Variants in RFC3 observed in about 807,000 individuals in gnomAD.
The protein encoded by RFC3 is replication factor C subunit 3.
Under a neutral mutation model 45.1 loss-of-function variants are expected in RFC3, and 41 were observed. The observed-to-expected ratio is 0.91, with a 90% confidence interval of 0.71 to 1.18. RFC3 has a LOEUF of 1.18. Ranked by LOEUF, RFC3 falls within the 50% of genes most tolerant of loss-of-function variation. RFC3 has a pLI of 0.00. For synonymous variants in RFC3, 149 were observed against 144.0 expected (o/e 1.03, Z -0.25); for missense variants, 423 against 428.1 (o/e 0.99, Z 0.10).
At chr13:33,885,287 A>C (rs537324101) in intron 8 of RFC3, among the ~76,000 whole-genome samples, 6 of 152,088 alleles carry the variant, frequency 3.9e-5, no homozygotes, top group African/African-American at 1.4e-4. Flanking sequence ...CATAGGAAAA[A>C]AACTTGATCT....
chr13:33,945,291 C>T (rs938004607), intron 8 of RFC3, among the ~76,000 whole-genome samples: 1 of 152,140 alleles, frequency 6.6e-6, no homozygotes, highest in Non-Finnish European at 1.5e-5. Flanking sequence ...TATGATTTTC[C>T]ATATTCATAT....
intron 8 of RFC3, among the ~76,000 whole-genome samples, chr13:33,883,576 C>A (rs1048283419): frequency 3.9e-5 from 6 of 152,100 alleles, no homozygotes; most frequent in African/African-American, 1.4e-4. Context: ...GCTGAAGGAT[C>A]ATATCACTAT....
At chr13:33,973,102 A>T in the RFC3 span, among the ~76,000 whole-genome samples, 1 of 152,210 alleles carries the variant, frequency 6.6e-6, no homozygotes, top group African/African-American at 2.4e-5. Flanking sequence ...TTGCTGTCTC[A>T]TAAAAGAGCA....
chr13:33,851,886 A>T (rs1404982840), intron 8 of RFC3, among the ~76,000 whole-genome samples: 3 of 152,240 alleles, frequency 2.0e-5, no homozygotes, highest in Admixed American at 2.0e-4. Flanking sequence ...AACAGACCTA[A>T]GTATGAATCC....
At position 33,913,002 on chromosome 13, in the gene RFC3, CAG is replaced by C. The variant is rs536239836; in HGVS notation, c.880-53084_880-53083del. 2.9e-3 allele frequency among the ~76,000 whole-genome samples: 441 copies of C among 152,124 alleles called. 1 individual carries two copies. Among genetic ancestry groups the C allele is most frequent in the African/African-American group, 1.0e-2 (415 of 41,510 alleles). On this transcript the variant is annotated intron_variant, in intron 8 of 8. Transcript: ENST00000434425. ...TCTCTGCTAGTCCTGTTCACAGAAA[CAG>C]GGGACACTGGGAGAGGGAGAGCCTG...
chr13:33,968,810 C>T (rs750609470), downstream of RFC3, among the ~76,000 whole-genome samples: 1 of 152,262 alleles, frequency 6.6e-6, no homozygotes, highest in Non-Finnish European at 1.5e-5. Flanking sequence ...TTGCCTCTTA[C>T]GTTGTCTTGG....
chr13:33,916,090 T>C (rs1029555397), intron 8 of RFC3, among the ~76,000 whole-genome samples: 1 of 152,148 alleles, frequency 6.6e-6, no homozygotes, highest in Non-Finnish European at 1.5e-5. Context: ...TGAGCCACCA[T>C]ACCCAGCTGG....
intron 8 of RFC3, among the ~76,000 whole-genome samples, chr13:33,914,025 T>C (rs953788564): frequency 6.6e-6 from 1 of 152,130 alleles, no homozygotes; most frequent in Admixed American, 6.6e-5. Context: ...GGCCAATCAA[T>C]AGTAGACAGC....
intron 8 of RFC3, among the ~76,000 whole-genome samples, chr13:33,948,589 G>T (rs1339725665): frequency 6.6e-6 from 1 of 152,212 alleles, no homozygotes; most frequent in Non-Finnish European, 1.5e-5. Flanking sequence ...GCCTGGAAAA[G>T]CCTCAGACAC....
intron 2 of RFC3, among the ~76,000 whole-genome samples, chr13:33,823,029 A>G (rs920169681): frequency 3.3e-5 from 5 of 152,176 alleles, no homozygotes; most frequent in African/African-American, 1.2e-4. Flanking sequence ...CACAGGAGAA[A>G]AATATAAGAG....
intron 8 of RFC3, among the ~76,000 whole-genome samples, chr13:33,861,257 G>A (rs1368883094): frequency 1.3e-5 from 2 of 152,226 alleles, no homozygotes; most frequent in South Asian, 2.1e-4. Context: ...ATTTTAATGC[G>A]GTGTTGATTT....
At chr13:33,973,160 A>ATACATAAG in the RFC3 span, among the ~76,000 whole-genome samples, 1,338 of 152,274 alleles carry the variant, frequency 8.8e-3, 12 homozygotes, top group Non-Finnish European at 0.013. Flanking sequence ...GTGTGTATAT[A>ATACATAAG]TATATATACA....
intron 3 of RFC3, 38 bp downstream of exon 3, chr13:33,824,022 G>T (rs1414060962): frequency 1.8e-5 from 20 of 1,090,056 alleles, no homozygotes; most frequent in Non-Finnish European, 2.4e-5. Flanking sequence ...TATTTTTAAA[G>T]AAATTGGTTT....
intron 8 of RFC3, among the ~76,000 whole-genome samples, chr13:33,951,039 CTTTTTTTTTTTTTTT>C (rs926664684): frequency 0.017 from 1,031 of 60,910 alleles, 35 homozygotes; most frequent in African/African-American, 0.064. Context: ...TCTGATGGCT[CTTTTTTTTTTTTTTT>C]TTTTTTTTTG....
chr13:33,976,128 G>A, the RFC3 span, among the ~76,000 whole-genome samples: 1 of 152,138 alleles, frequency 6.6e-6, no homozygotes, highest in Non-Finnish European at 1.5e-5. Flanking sequence ...GTAACTGAAA[G>A]GGTTCCCAGT....
intron 8 of RFC3, among the ~76,000 whole-genome samples, chr13:33,931,241 A>G (rs2082849964): frequency 6.6e-6 from 1 of 152,142 alleles, no homozygotes; most frequent in Non-Finnish European, 1.5e-5. Flanking sequence ...TTGAACCAAG[A>G]AGTCATGGAT....
intron 8 of RFC3, among the ~76,000 whole-genome samples, chr13:33,885,782 ATAATCCCTTTTTAACCTTT>A (rs1489655313): frequency 6.6e-6 from 1 of 152,218 alleles, no homozygotes; most frequent in African/African-American, 2.4e-5. Flanking sequence ...ACCAAAAGTC[ATAATCCCTTTTTAACCTTT>A]AAATAGTCTG....
At position 33,818,259 on chromosome 13, in the gene RFC3, G is replaced by A; in HGVS notation, c.81G>A (p.Arg27=). The change falls in exon 1 of 9, where the codon CGG becomes CGA. Residue 27 remains arginine (R), a synonymous_variant. Transcript: ENST00000380071. ...ACAAGGAGCAGGCGGCCCAGCTGCG[G>A]AACCTGGTGAGTCTGCGGGGGCCGG... ...DYHKEQAAQL[R]NLVQCGDFPH... is the part of the protein sequence containing the mutation. 1 of 1,613,464 alleles carries A rather than the reference G, an allele frequency of 6.2e-7. No homozygotes were observed. Among genetic ancestry groups the A allele is most frequent in the Non-Finnish European group, 8.5e-7 (1 of 1,179,810 alleles).
intron 8 of RFC3, among the ~76,000 whole-genome samples, chr13:33,842,547 G>A (rs974306782): frequency 6.6e-6 from 1 of 152,182 alleles, no homozygotes; most frequent in Non-Finnish European, 1.5e-5. Context: ...AACATAGGCA[G>A]CCACCTCAGC....
Sources: allele counts gnomAD v4.1 joint callset (sites outside exome capture counted in the v4.1 genomes callset), GRCh38; gene constraint gnomAD v4.1.1; transcripts MANE v1.5; gene names NCBI Gene and HGNC (gene_info 2026-07-23, HGNC 2026-07-21).